CXADR: variants seen among roughly 807,000 people sequenced by gnomAD.
CXADR encodes coxsackievirus and adenovirus receptor.
CXADR carries 20 observed loss-of-function variants against 40.3 expected under a neutral mutation model. The ratio of observed to expected loss-of-function variants is 0.50; its 90% confidence interval spans 0.35 to 0.72. The LOEUF (loss-of-function observed/expected upper bound fraction) is 0.72, where lower values mean the gene tolerates loss of function less well. Among genes scored for constraint, CXADR ranks in the 30% least tolerant of loss-of-function variants. CXADR has a pLI of 0.01. For missense variants in CXADR, 332 were observed against 449.1 expected (o/e 0.74, Z 2.36); for synonymous variants, 150 against 161.3 (o/e 0.93, Z 0.53).
At chr21:17,531,700 C>T (rs2060678325) in intron 1 of CXADR, among the ~76,000 whole-genome samples, 1 of 152,276 alleles carries the variant, frequency 6.6e-6, no homozygotes, top group South Asian at 2.1e-4. Flanking sequence ...ATATCAGGTA[C>T]AAATTCTTGC....
the CXADR span, among the ~76,000 whole-genome samples, chr21:17,619,454 T>C: frequency 6.6e-6 from 1 of 152,162 alleles, no homozygotes; most frequent in African/African-American, 2.4e-5. Context: ...CTGGGCATGG[T>C]GATGCATGCC....
intron 3 of CXADR, among the ~76,000 whole-genome samples, chr21:17,556,306 C>T (rs1358127296): frequency 6.6e-6 from 1 of 152,172 alleles, no homozygotes; most frequent in East Asian, 1.9e-4. Context: ...TTCCTCTTCC[C>T]AGTGGAAAGC....
At chr21:17,534,224 C>T (rs2060724173) in intron 1 of CXADR, among the ~76,000 whole-genome samples, 1 of 148,580 alleles carries the variant, frequency 6.7e-6, no homozygotes, top group Admixed American at 6.8e-5. Flanking sequence ...TCTTCTGCCT[C>T]TAGCTGGGAC....
chr21:17,550,765 G>A (rs1020312053), intron 2 of CXADR, among the ~76,000 whole-genome samples: 1 of 152,160 alleles, frequency 6.6e-6, no homozygotes, highest in Non-Finnish European at 1.5e-5. Context: ...TCCCTCTAAA[G>A]CATCCAGCCT....
chr21:17,604,748 T>G, the CXADR span: 1 of 1,325,012 alleles, frequency 7.5e-7, no homozygotes, highest in Non-Finnish European at 1.0e-6. Context: ...CTGAGAGAGT[T>G]AAACCACCAG....
chr21:17,547,964 C>G (rs1331935047), intron 2 of CXADR, among the ~76,000 whole-genome samples: 1 of 152,078 alleles, frequency 6.6e-6, no homozygotes, highest in Non-Finnish European at 1.5e-5. Flanking sequence ...GCCTAATAAT[C>G]TCATCTCCAA....
chr21:17,593,171 C>CTGA, exon 8 of CXADR: 1 of 1,455,048 alleles, frequency 6.9e-7, no homozygotes, highest in Non-Finnish European at 9.1e-7. Flanking sequence ...CCTTACAAGA[C>CTGA]TGATGGAATT....
chr21:17,602,432 C>T, the CXADR span, among the ~76,000 whole-genome samples: 2 of 152,082 alleles, frequency 1.3e-5, no homozygotes, highest in African/African-American at 4.8e-5. Context: ...GATATTTGAT[C>T]AATTGTATAC....
the CXADR span, among the ~76,000 whole-genome samples, chr21:17,632,377 C>A: frequency 6.6e-6 from 1 of 152,120 alleles, no homozygotes; most frequent in Non-Finnish European, 1.5e-5. Context: ...TGTAAGTGAA[C>A]AGCCTATTAA....
intron 6 of CXADR, among the ~76,000 whole-genome samples, chr21:17,563,829 C>T (rs2737867): frequency 0.63 from 94,437 of 148,994 alleles, 30,342 homozygotes; most frequent in East Asian, 0.76. Flanking sequence ...TAGTCCCAGC[C>T]ACTCGGGAGG....
intron 1 of CXADR, chr21:17,527,253 G>A (rs1258244052): frequency 6.6e-6 from 1 of 152,178 alleles, no homozygotes; most frequent in Non-Finnish European, 1.5e-5. Context: ...CAACCAAGAA[G>A]AAGAATAGTT....
chr21:17,533,186 A>G (rs2123177453), intron 1 of CXADR, among the ~76,000 whole-genome samples: 2 of 152,318 alleles, frequency 1.3e-5, no homozygotes, highest in Non-Finnish European at 2.9e-5. Context: ...CTTGTCCAAA[A>G]TCATACAGAG....
chr21:17,625,288 A>G, the CXADR span, among the ~76,000 whole-genome samples: 1 of 152,146 alleles, frequency 6.6e-6, no homozygotes, highest in South Asian at 2.1e-4. Flanking sequence ...TGCTGAGGTC[A>G]TTATAGCAAC....
intron 6 of CXADR, among the ~76,000 whole-genome samples, chr21:17,563,909 C>G (rs1164742478): frequency 2.9e-5 from 3 of 103,660 alleles, no homozygotes. Context: ...CCACTGCACT[C>G]CAGCCTGGGC....
At chr21:17,588,697 T>G (rs751014309) in intron 7 of CXADR, among the ~76,000 whole-genome samples, 1 of 152,140 alleles carries the variant, frequency 6.6e-6, no homozygotes, top group Non-Finnish European at 1.5e-5. Context: ...TATGTTATAC[T>G]TCAGAGTATG....
the CXADR span, chr21:17,604,718 G>C: frequency 3.7e-6 from 4 of 1,067,048 alleles, no homozygotes; most frequent in African/African-American, 1.6e-5. Context: ...CTCCAGAAAA[G>C]TATTTCATAA....
chr21:17,613,951 T>C, the CXADR span: 4 of 152,238 alleles, frequency 2.6e-5, no homozygotes, highest in African/African-American at 9.6e-5. Flanking sequence ...TACTGCCCAC[T>C]AGGCTTGGGA....
chr21:17,630,577 G>A, the CXADR span, among the ~76,000 whole-genome samples: 3 of 150,310 alleles, frequency 2.0e-5, no homozygotes, highest in East Asian at 2.0e-4. Context: ...GAATGGTAAC[G>A]CAAAGTCCAC....
At chr21:17,573,229 C>G (rs1466871080), downstream of CXADR, among the ~76,000 whole-genome samples, 1 of 152,026 alleles carries the variant, frequency 6.6e-6, no homozygotes, top group Non-Finnish European at 1.5e-5. Flanking sequence ...TAGGACCTAC[C>G]CATATAAGCG....
Sources: gnomAD v4.1 joint callset for allele counts (sites outside exome capture counted in the v4.1 genomes callset) on GRCh38, gnomAD v4.1.1 for gene constraint, MANE v1.5 for transcripts, NCBI Gene and HGNC (gene_info 2026-07-23, HGNC 2026-07-21) for gene names.